Variants in TBCCD1 observed in about 807,000 individuals in gnomAD.
The protein encoded by TBCCD1 is TBCC domain-containing protein 1.
Under a neutral mutation model 53.4 loss-of-function variants are expected in TBCCD1, and 26 were observed. That is an observed-to-expected ratio of 0.49 (90% CI 0.36 to 0.68). TBCCD1 has a LOEUF of 0.68. Ranked by LOEUF, TBCCD1 falls within the 30% of genes least tolerant of loss-of-function variation. The pLI, the probability that TBCCD1 is intolerant of heterozygous loss-of-function variation, is 0.00. For synonymous variants in TBCCD1, 245 were observed against 241.7 expected, an observed-to-expected ratio of 1.01 and a Z score of -0.13; for missense variants, 558 against 669.5, an observed-to-expected ratio of 0.83 and a Z score of 1.84.
chr3:186,556,548 T>C lies in TBCCD1; in HGVS notation c.720A>G (p.Ala240=). The C allele has an allele frequency of 1.9e-6, 3 of 1,613,982 alleles. No homozygotes were observed. The highest frequency in any genetic ancestry group is 1.7e-6 in the Non-Finnish European group (2 of 1,179,968). ...HELALWQPLH[A]DSGFSKISKT... ...TAGAGATCTTTGAGAAGCCACTATC[T>C]GCATGCAGTGGTTGCCACAGTGCAA... The change falls in exon 4 of 8, where the codon GCA becomes GCG. Residue 240 remains alanine, a synonymous_variant. Coordinates refer to ENST00000338733, the MANE Select transcript of TBCCD1 (RefSeq NM_018138.5).
At chr3:186,564,718 G>A (rs540302585) in intron 1 of TBCCD1, among the ~76,000 whole-genome samples, 12 of 152,124 alleles carry the variant, frequency 7.9e-5, no homozygotes, top group Non-Finnish European at 7.3e-5. Flanking sequence ...ACTCTGAGGG[G>A]GAACACTGTT....
In TBCCD1 at chr3:186,558,316, C is replaced by G. The variant is rs541398970; in HGVS notation, c.492+101G>C. 1.2e-4 allele frequency: 170 copies of G among 1,382,600 alleles called. No individual in the cohort carries two copies. The Admixed American group carries it at 3.9e-3, about 32-fold the overall frequency. 85.6% of individuals were successfully genotyped at this position (1,382,600 alleles called of 1,614,324 possible). A position where few individuals can be genotyped will look rare whatever the true frequency, so the allele number is the denominator to read the frequency against. ...AAAAACAAAACAAGCCATCAAATCA[C>G]TGGCTTATGTAAGAAATCTCATCAT... On this transcript the variant is annotated intron_variant, in intron 3 of 7. Coordinates refer to ENST00000338733, the MANE Select transcript of TBCCD1 (RefSeq NM_018138.5).
upstream of TBCCD1, among the ~76,000 whole-genome samples, chr3:186,568,920 A>AAAAAAAAG (rs1325319763): frequency 6.7e-6 from 1 of 149,452 alleles, no homozygotes; most frequent in African/African-American, 2.5e-5. Context: ...AAAAAGAAAT[A>AAAAAAAAG]AAGAAAAGAA....
chr3:186,564,407 A>C, intron 1 of TBCCD1, 35 bp from the exon 2 acceptor site: 1 of 1,401,108 alleles, frequency 7.1e-7, no homozygotes, highest in East Asian at 2.3e-5. Flanking sequence ...ACTGATTTGA[A>C]ACAAGTCTCA....
intron 4 of TBCCD1, among the ~76,000 whole-genome samples, chr3:186,556,065 G>A (rs1289963392): frequency 6.6e-6 from 1 of 152,006 alleles, no homozygotes; most frequent in African/African-American, 2.4e-5. Context: ...GAGGTCACAT[G>A]AGTATGCTAT....
intron 3 of TBCCD1, 25 bp from the exon 4 acceptor site, chr3:186,556,800 C>G: frequency 6.3e-7 from 1 of 1,597,144 alleles, no homozygotes; most frequent in Non-Finnish European, 8.5e-7. Context: ...AAAGAAAGCA[C>G]TCTTAATAAA....
Position 186,564,261 on chromosome 3 carries a change from G to T in TBCCD1, c.69C>A (p.Pro23=), listed in dbSNP as rs1318933497. 6.2e-7 allele frequency: 1 copy of T among 1,614,148 alleles called. No individual in the cohort carries two copies. The highest frequency in any genetic ancestry group is 8.5e-7 in the Non-Finnish European group (1 of 1,180,018). Residue 23 remains proline (P), a synonymous_variant, in exon 2 of 8, where the codon CCC becomes CCA. Coordinates refer to ENST00000338733, the MANE Select transcript of TBCCD1 (RefSeq NM_018138.5). ...AGTGAAGACTAAACTTGGATGGAGG[G>T]GGGACCTGCAAGGCACCCACTATAA... is the stretch of plus-strand genomic sequence containing the variant. ...EPFIVGALQV[P]PPSKFSLHYL...
intron 4 of TBCCD1, 114 bp downstream of exon 4, chr3:186,556,295 G>T: frequency 8.4e-7 from 1 of 1,189,666 alleles, no homozygotes; most frequent in Non-Finnish European, 1.2e-6. Flanking sequence ...TCTTTTATAG[G>T]AGCAGTATTT....
chr3:186,555,188 T>C (rs1714502223), intron 4 of TBCCD1, 104 bp from the exon 5 acceptor site: 2 of 1,104,416 alleles, frequency 1.8e-6, no homozygotes, highest in South Asian at 1.9e-5. Context: ...TCAAATTAGA[T>C]ACCACATGTA....
chr3:186,566,984 G>C (rs1351986955), intron 1 of TBCCD1, among the ~76,000 whole-genome samples: 1 of 152,266 alleles, frequency 6.6e-6, no homozygotes, highest in Admixed American at 6.5e-5. Context: ...CTGGGGCTCT[G>C]ACCCTGGCGG....
chr3:186,547,245 T>C (rs1578961528), intron 7 of TBCCD1, among the ~76,000 whole-genome samples: 1 of 150,644 alleles, frequency 6.6e-6, no homozygotes, highest in Non-Finnish European at 1.5e-5. Context: ...ATAATCTCCA[T>C]CAGATTTGTA....
At chr3:186,551,099 G>T (rs778325619) in intron 7 of TBCCD1, 30 bp downstream of exon 7, 3 of 1,572,326 alleles carry the variant, frequency 1.9e-6, no homozygotes, top group East Asian at 2.2e-5. Flanking sequence ...TTCCCCAAAA[G>T]AATCTGTTTT....
chr3:186,559,679 T>A (rs1456432200), intron 2 of TBCCD1, among the ~76,000 whole-genome samples: 1 of 152,186 alleles, frequency 6.6e-6, no homozygotes, highest in Non-Finnish European at 1.5e-5. Flanking sequence ...ACTAACAATG[T>A]GAAGCCCCAT....
intron 1 of TBCCD1, among the ~76,000 whole-genome samples, 167 bp from the exon 2 acceptor site, chr3:186,564,539 T>C (rs1714774441): frequency 6.6e-6 from 1 of 152,160 alleles, no homozygotes; most frequent in Non-Finnish European, 1.5e-5. Flanking sequence ...TTTAATCAGA[T>C]CTCATTATAA....
rs748094619 is a variant in TBCCD1 at position 186,551,198 on chromosome 3, C to T, written c.1626G>A (p.Leu542=). 2.5e-6 allele frequency: 4 copies of T among 1,612,558 alleles called. No homozygotes were observed. The highest frequency in any genetic ancestry group is 1.1e-5 in the South Asian group (1 of 91,012). Residue 542 remains leucine (L), a synonymous_variant, in exon 7 of 8, where the codon CTG becomes CTA. Coordinates refer to ENST00000338733, the MANE Select transcript of TBCCD1 (RefSeq NM_018138.5). ...WLINTGHRQQ[L]DSLVPPAAGS... ...CTGCTGCAGGGGGTACAAGGCTGTC[C>T]AGCTGTTGGCGATGTCCTGTATTAA...
intron 6 of TBCCD1, among the ~76,000 whole-genome samples, chr3:186,551,696 C>T (rs983192776): frequency 1.3e-5 from 2 of 152,136 alleles, no homozygotes; most frequent in Non-Finnish European, 2.9e-5. Context: ...ATAAATAGGC[C>T]GGGCATGGTG....
At chr3:186,554,140 G>A (rs1054808728) in intron 6 of TBCCD1, 114 bp downstream of exon 6, 40 of 1,462,552 alleles carry the variant, frequency 2.7e-5, no homozygotes, top group Middle Eastern at 2.5e-4. Context: ...GAGCCACCGC[G>A]CCCAGCCTTA....
intron 4 of TBCCD1, among the ~76,000 whole-genome samples, chr3:186,555,579 G>C (rs1361092154): frequency 6.6e-6 from 1 of 151,832 alleles, no homozygotes; most frequent in African/African-American, 2.4e-5. Flanking sequence ...TTTTTTGTGA[G>C]ACGGAGTCTC....
intron 6 of TBCCD1, chr3:186,553,243 A>G (rs1328580711): frequency 6.6e-6 from 1 of 152,222 alleles, no homozygotes; most frequent in Non-Finnish European, 1.5e-5. Context: ...TTTCACATGT[A>G]AGAGAATCTA....
Sources: allele counts gnomAD v4.1 joint callset (sites outside exome capture counted in the v4.1 genomes callset), GRCh38; gene constraint gnomAD v4.1.1; transcripts MANE v1.5; gene names NCBI Gene and HGNC (gene_info 2026-07-23, HGNC 2026-07-21).